Variants in ZNF462 observed in about 807,000 individuals in gnomAD.
ZNF462 encodes zinc finger PBX1-interacting protein.
Under a neutral mutation model 201.9 loss-of-function variants are expected in ZNF462, and 10 were observed. That is an observed-to-expected ratio of 0.05 (90% confidence interval 0.03 to 0.08). The LOEUF is 0.08. Among genes scored for constraint, ZNF462 ranks in the 10% least tolerant of loss-of-function variants. The pLI is 1.00. For missense variants in ZNF462, 2,523 were observed against 3,168.3 expected (o/e 0.80, Z 4.89); for synonymous variants, 1,227 against 1,193.3 (o/e 1.03, Z -0.58).
In ZNF462 at chr9:106,865,997, TGAG is replaced by T. The variant is rs1156934721; in HGVS notation, c.-31+2645_-31+2647del. The stretch of plus-strand genomic sequence containing the variant: ...TTTCCATTAGGTGAGGTAGCCATCT[TGAG>T]GATGAGGGAAGATGTTGGAAGAATT... On this transcript the variant is annotated intron_variant, in intron 1 of 12. Transcript: ENST00000277225. The surrounding 1 kb of genome is among the most constrained non-coding windows in gnomAD (Gnocchi z 4.1). Among the ~76,000 whole-genome samples, 2 of 152,196 alleles carry T rather than the reference TGAG, an allele frequency of 1.3e-5. No individual in the cohort carries two copies. Among genetic ancestry groups the T allele is most frequent in the Non-Finnish European group, 2.9e-5 (2 of 68,018 alleles).
At chr9:106,940,863 C>A (rs1399609274) in intron 7 of ZNF462, among the ~76,000 whole-genome samples, 1 of 151,906 alleles carries the variant, frequency 6.6e-6, no homozygotes, top group Non-Finnish European at 1.5e-5. Flanking sequence ...CTTCTATTCA[C>A]CAGGAAAGGT....
At chr9:106,891,384 G>A (rs1828569651) in intron 1 of ZNF462, among the ~76,000 whole-genome samples, 1 of 152,034 alleles carries the variant, frequency 6.6e-6, no homozygotes, top group Non-Finnish European at 1.5e-5. Context: ...TTAAAAACAA[G>A]TGATTTTTTT....
At chr9:106,960,784 A>C (rs1445657747) in intron 7 of ZNF462, among the ~76,000 whole-genome samples, 1 of 152,120 alleles carries the variant, frequency 6.6e-6, no homozygotes, top group African/African-American at 2.4e-5. Flanking sequence ...GAATAGCTAC[A>C]GTGGCAGAAA....
Position 106,923,668 on chromosome 9 carries a change from T to A in ZNF462, c.220+65T>A. ...ATTGCTCTTGTTTCCTTTTAGCCTG[T>A]AGCCATGGTTCTTAATATACGTGGC... is the stretch of plus-strand genomic sequence containing the variant. On this transcript the variant is annotated intron_variant, in intron 2 of 12. Transcript: ENST00000277225. This position sits in a 1 kb window ranked among gnomAD's most constrained non-coding sequence, Gnocchi z 5.6. 3.9e-6 allele frequency: 6 copies of A among 1,538,122 alleles called. No individual in the cohort carries two copies. Among genetic ancestry groups the A allele is most frequent in the Non-Finnish European group, 5.4e-6 (6 of 1,116,148 alleles).
chr9:106,966,796 C>T lies in ZNF462; in HGVS notation c.6428-5209C>T, dbSNP rs1053362380. 2.0e-5 allele frequency among the ~76,000 whole-genome samples: 3 copies of T among 152,076 alleles called. No individual in the cohort carries two copies. Among genetic ancestry groups the T allele is most frequent in the Non-Finnish European group, 4.4e-5 (3 of 67,978 alleles). On this transcript the variant is annotated intron_variant, in intron 7 of 12. Transcript: ENST00000277225. The surrounding 1 kb of genome is among the most constrained non-coding windows in gnomAD (Gnocchi z 4.4). ...AATTTGCTTGCCTAAAATTCCTTGT[C>T]TTTTATTTTTTCTTGGTACTTGATT...
At position 106,919,208 on chromosome 9, in the gene ZNF462, A is replaced by ACT. The variant is rs1222064356; in HGVS notation, c.-30-4145_-30-4144dup. Reference sequence around the variant, plus strand: ...CACATTTATGCTCCTGGGCCCTCAAACTAAAGAGCAGTGTTTGCCAAGCTG... The same window carrying ACT: ...CACATTTATGCTCCTGGGCCCTCAAACTCTAAAGAGCAGTGTTTGCCAAGCTG... On this transcript the variant is annotated intron_variant, in intron 1 of 12. Coordinates refer to ENST00000277225, the MANE Select transcript of ZNF462 (RefSeq NM_021224.6). This position sits in a 1 kb window ranked among gnomAD's most constrained non-coding sequence, Gnocchi z 4.5. Among the ~76,000 whole-genome samples, 3 of 152,236 alleles carry ACT rather than the reference A, an allele frequency of 2.0e-5. No individual in the cohort carries two copies. Among genetic ancestry groups the ACT allele is most frequent in the African/African-American group, 7.2e-5 (3 of 41,458 alleles).
chr9:106,989,162 T>C (rs970284257), intron 10 of ZNF462, among the ~76,000 whole-genome samples: 1 of 152,150 alleles, frequency 6.6e-6, no homozygotes, highest in Non-Finnish European at 1.5e-5. Context: ...CAGTATTACG[T>C]TGGCTGTGGG....
rs1351246507 is a variant in ZNF462, at chr9:106,930,502, T to C, written c.5848-23T>C. On this transcript the variant is annotated intron_variant, in intron 3 of 12. Transcript: ENST00000277225. This position sits in a 1 kb window ranked among gnomAD's most constrained non-coding sequence, Gnocchi z 5.8. ...ATTGAGGGAGGGCTCGGAGTACTGATGGCTACCACTGTATTTTACCAGCCT... is the reference window on the plus strand; with the variant it reads ...ATTGAGGGAGGGCTCGGAGTACTGACGGCTACCACTGTATTTTACCAGCCT... The C allele has an allele frequency of 6.2e-7, 1 of 1,612,518 alleles. No individual in the cohort carries two copies. The highest frequency in any genetic ancestry group is 1.7e-5 in the Admixed American group (1 of 59,974).
chr9:106,923,259 G>A lies in ZNF462; in HGVS notation c.-30-95G>A, dbSNP rs1459094430. 1 of 884,408 alleles carries A rather than the reference G, an allele frequency of 1.1e-6. No homozygotes were observed. The highest frequency in any genetic ancestry group is 1.8e-6 in the Non-Finnish European group (1 of 561,752). The allele number at this position is 884,408 out of a possible 1,614,324, so 54.8% of individuals were successfully genotyped here. A position where few individuals can be genotyped will look rare whatever the true frequency, so the allele number is the denominator to read the frequency against. On this transcript the variant is annotated intron_variant, in intron 1 of 12. Coordinates refer to ENST00000277225, the MANE Select transcript of ZNF462 (RefSeq NM_021224.6). This position sits in a 1 kb window ranked among gnomAD's most constrained non-coding sequence, Gnocchi z 5.6. ...CCAATAAGAGAAATCTACTGATACT[G>A]GAATTTTTTCCCATTAATGGATATA...
Position 106,883,952 on chromosome 9 carries a change from C to T in ZNF462, c.-31+20597C>T, listed in dbSNP as rs1033825222. 2.6e-5 allele frequency among the ~76,000 whole-genome samples: 4 copies of T among 152,162 alleles called. No individual in the cohort carries two copies. Among genetic ancestry groups the T allele is most frequent in the African/African-American group, 9.7e-5 (4 of 41,450 alleles). ...GGTGGCAATAGAGGAAGCTGTTATG[C>T]TGTCTTCATTGCTCATAAAAAAATG... On this transcript the variant is annotated intron_variant, in intron 1 of 12. Transcript: ENST00000277225. The surrounding 1 kb of genome is among the most constrained non-coding windows in gnomAD (Gnocchi z 4.9).
In ZNF462 at chr9:106,930,723, G is replaced by A. The variant is rs1830390310; in HGVS notation, c.6012+34G>A. On this transcript the variant is annotated intron_variant, in intron 4 of 12. Coordinates refer to ENST00000277225, the MANE Select transcript of ZNF462 (RefSeq NM_021224.6). The surrounding 1 kb of genome is among the most constrained non-coding windows in gnomAD (Gnocchi z 5.8). ...TGGAAGGTCTGGATGAGCATTGTGTGTGAGCGATTCGAGTTACTTATTAAC... is the reference window on the plus strand; with the variant it reads ...TGGAAGGTCTGGATGAGCATTGTGTATGAGCGATTCGAGTTACTTATTAAC... 6.2e-7 allele frequency: 1 copy of A among 1,609,822 alleles called. No individual in the cohort carries two copies.
chr9:106,885,209 T>C lies in ZNF462; in HGVS notation c.-31+21854T>C, dbSNP rs1350182573. Among the ~76,000 whole-genome samples the C allele has an allele frequency of 6.6e-6, 1 of 152,234 alleles. No homozygotes were observed. The highest frequency in any genetic ancestry group is 1.5e-5 in the Non-Finnish European group (1 of 68,032). On this transcript the variant is annotated intron_variant, in intron 1 of 12. Transcript: ENST00000277225. This position sits in a 1 kb window ranked among gnomAD's most constrained non-coding sequence, Gnocchi z 4.1. ...CTACTCCTAAAACAACTATCACTAC[T>C]ACCATTAAACTCTCCATATACATTA...
intron 1 of ZNF462, among the ~76,000 whole-genome samples, chr9:106,891,809 G>A (rs1828590962): frequency 1.3e-5 from 2 of 152,076 alleles, no homozygotes; most frequent in Admixed American, 6.6e-5. Flanking sequence ...TGTTGATCAA[G>A]CATATTCAAG....
chr9:106,862,078 C>T (rs1021205400), upstream of ZNF462, among the ~76,000 whole-genome samples: 3 of 152,130 alleles, frequency 2.0e-5, no homozygotes, highest in East Asian at 5.8e-4. This position sits in a 1 kb window ranked among gnomAD's most constrained non-coding sequence, Gnocchi z 4.2. Context: ...CCTCCACCCC[C>T]CCACCTTCCA....
rs917727883 is a variant in ZNF462, at chr9:106,870,584, A to C, written c.-31+7229A>C. 1.1e-4 allele frequency among the ~76,000 whole-genome samples: 17 copies of C among 152,254 alleles called. No homozygotes were observed. Among genetic ancestry groups the C allele is most frequent in the African/African-American group, 3.9e-4 (16 of 41,458 alleles). ...ACCTTCACATAGACAAATTTTAACA[A>C]AGACCACACCAGGAAAAATGGAGAA... On this transcript the variant is annotated intron_variant, in intron 1 of 12. Coordinates refer to ENST00000277225, the MANE Select transcript of ZNF462 (RefSeq NM_021224.6). This position sits in a 1 kb window ranked among gnomAD's most constrained non-coding sequence, Gnocchi z 4.3.
chr9:106,932,833 G>A lies in ZNF462; in HGVS notation c.6116+284G>A, dbSNP rs1464242992. On this transcript the variant is annotated intron_variant, in intron 5 of 12. Transcript: ENST00000277225. The surrounding 1 kb of genome is among the most constrained non-coding windows in gnomAD (Gnocchi z 6.8). ...AAAATGGCATCTGTGGAGAGTAGAT[G>A]AGTCTCCTGATTCATCGTTCAAACA... 6 of 534,312 alleles carry A rather than the reference G, an allele frequency of 1.1e-5. 1 individual carries two copies. In the South Asian group the frequency reaches 1.1e-4, roughly 10 times the overall value. The allele number at this position is 534,312 out of a possible 1,614,324, so 33.1% of individuals were successfully genotyped here. A position where few individuals can be genotyped will look rare whatever the true frequency, so the allele number is the denominator to read the frequency against.
chr9:107,007,969 G>C lies in ZNF462; in HGVS notation c.7190-1576G>C, dbSNP rs537048336. ...TTATCAGACACCCTCAGTTTAGGGGGTTCACAGCCTCGCAGCCACCCCACT... is the reference window on the plus strand; with the variant it reads ...TTATCAGACACCCTCAGTTTAGGGGCTTCACAGCCTCGCAGCCACCCCACT... On this transcript the variant is annotated intron_variant, in intron 11 of 12. Coordinates refer to ENST00000277225, the MANE Select transcript of ZNF462 (RefSeq NM_021224.6). 8.9e-4 allele frequency among the ~76,000 whole-genome samples: 136 copies of C among 152,246 alleles called. 1 individual carries two copies. The highest frequency in any genetic ancestry group is 3.3e-3 in the African/African-American group (136 of 41,550).
At chr9:106,906,245 G>A (rs1251964298) in intron 1 of ZNF462, among the ~76,000 whole-genome samples, 1 of 152,196 alleles carries the variant, frequency 6.6e-6, no homozygotes, top group East Asian at 1.9e-4. Context: ...TATTTGCAGT[G>A]TCTCCTGGGT....
chr9:106,930,959 C>T lies in ZNF462; in HGVS notation c.6012+270C>T, dbSNP rs547140209. 6.3e-4 allele frequency: 218 copies of T among 343,340 alleles called. 2 individuals carry two copies. Among genetic ancestry groups the T allele is most frequent in the Non-Finnish European group, 1.0e-3 (186 of 181,062 alleles). 21.3% of individuals were successfully genotyped at this position (343,340 alleles called of 1,614,324 possible). A position where few individuals can be genotyped will look rare whatever the true frequency, so the allele number is the denominator to read the frequency against. On this transcript the variant is annotated intron_variant, in intron 4 of 12. Coordinates refer to ENST00000277225, the MANE Select transcript of ZNF462 (RefSeq NM_021224.6). The surrounding 1 kb of genome is among the most constrained non-coding windows in gnomAD (Gnocchi z 5.8). ...CCAGGATTCTCGGTCTAGGAGGCTT[C>T]GGGTCGTCCTTCTATTCTGCGTTTA...
Sources: allele counts gnomAD v4.1 joint callset (sites outside exome capture counted in the v4.1 genomes callset), GRCh38; gene constraint gnomAD v4.1.1; non-coding constraint Gnocchi (gnomAD v3.1); transcripts MANE v1.5; gene names NCBI Gene and HGNC (gene_info 2026-07-23, HGNC 2026-07-21).